ZNF423: variants seen among roughly 807,000 people sequenced by gnomAD.
ZNF423 encodes the protein Ebf-associated zinc finger protein.
In ZNF423, 12 loss-of-function variants were observed where a neutral mutation model predicts 95.8. The observed-to-expected ratio is 0.13, with a 90% CI of 0.08 to 0.20. ZNF423 has a LOEUF of 0.20. Ranked by LOEUF, ZNF423 falls within the 10% of genes least tolerant of loss-of-function variation. The probability of loss-of-function intolerance (pLI) is 1.00; values close to 1 mark genes in which losing one functional copy is unlikely to be tolerated. For missense variants in ZNF423, 1,316 were observed against 1,737.1 expected, an observed-to-expected ratio of 0.76 and a Z score of 4.31; for synonymous variants, 749 against 711.9, an observed-to-expected ratio of 1.05 and a Z score of -0.83.
chr16:49,518,183 T>A, intron 7 of ZNF423: 1 of 383,334 alleles, frequency 2.6e-6, no homozygotes, highest in Non-Finnish European at 5.1e-6. Flanking sequence ...GGAATCTACA[T>A]AACCTGTGTT....
upstream of ZNF423, among the ~76,000 whole-genome samples, chr16:49,858,576 G>A (rs778536061): frequency 6.6e-6 from 1 of 152,174 alleles, no homozygotes; most frequent in Non-Finnish European, 1.5e-5. This position sits in a 1 kb window ranked among gnomAD's most constrained non-coding sequence, Gnocchi z 4.3. Flanking sequence ...GCGGAGGCCA[G>A]GACCGAGACG....
At chr16:49,766,857 G>C (rs2033938607) in intron 2 of ZNF423, among the ~76,000 whole-genome samples, 1 of 152,176 alleles carries the variant, frequency 6.6e-6, no homozygotes. Flanking sequence ...GGAAACTGAC[G>C]CTCACAAGTC....
intron 3 of ZNF423, among the ~76,000 whole-genome samples, chr16:49,686,825 C>T (rs1390403646): frequency 4.0e-5 from 2 of 50,190 alleles, no homozygotes; most frequent in Non-Finnish European, 1.1e-4. Context: ...TCACCAGCCC[C>T]GCCAGCCTGT....
chr16:49,657,323 C>A (rs1490893604), intron 3 of ZNF423, among the ~76,000 whole-genome samples: 1 of 152,208 alleles, frequency 6.6e-6, no homozygotes, highest in Non-Finnish European at 1.5e-5. Context: ...CTGTCTCCAG[C>A]CATGTGCCAG....
At chr16:49,675,539 C>T (rs112358562) in intron 3 of ZNF423, among the ~76,000 whole-genome samples, 2,397 of 152,194 alleles carry the variant, frequency 0.016, 23 homozygotes, top group Middle Eastern at 0.031. Context: ...TGCCACGGCC[C>T]CCACAACCAC....
chr16:49,697,809 C>T (rs1381821905), intron 3 of ZNF423, among the ~76,000 whole-genome samples: 1 of 152,254 alleles, frequency 6.6e-6, no homozygotes, highest in African/African-American at 2.4e-5. Flanking sequence ...AAAGCCTTAC[C>T]TACGGTGCGG....
At chr16:49,590,015 A>G (rs1970958084) in intron 5 of ZNF423, among the ~76,000 whole-genome samples, 1 of 107,580 alleles carries the variant, frequency 9.3e-6, no homozygotes, top group Admixed American at 8.7e-5. Flanking sequence ...GGATGGGGTA[A>G]AGGGGAAGTG....
chr16:49,597,268 CT>C (rs1300483419), intron 5 of ZNF423, among the ~76,000 whole-genome samples: 2 of 152,180 alleles, frequency 1.3e-5, no homozygotes, highest in African/African-American at 4.8e-5. Flanking sequence ...GGAGGAGGGT[CT>C]CCTACCTAGA....
intron 3 of ZNF423, among the ~76,000 whole-genome samples, chr16:49,657,797 G>T (rs907529491): frequency 6.6e-6 from 1 of 152,278 alleles, no homozygotes; most frequent in South Asian, 2.1e-4. Flanking sequence ...TCTGTGTTCA[G>T]GGGTCCTCCC....
chr16:49,636,981 A>G lies in ZNF423; in HGVS notation c.2195T>C (p.Leu732Pro), dbSNP rs1263035254. ...MHTFVLYHCT[L>P]CQEVFDSKVS... ...CTTGGAGTCGAAGACCTCCTGACAC[A>G]GGGTGCAGTGGTACAACACAAAGGT... is the stretch of plus-strand genomic sequence containing the variant. Residue 732 changes from leucine to proline, a missense_variant, in exon 4 of 8, where the codon CTG (leucine) becomes CCG (proline). Leu to Pro is a moderately conservative substitution (Grantham distance 98). Coordinates refer to ENST00000563137, the MANE Select transcript of ZNF423 (RefSeq NM_001379286.1). This position sits in a 1 kb window ranked among gnomAD's most constrained non-coding sequence, Gnocchi z 8.6. 6.2e-7 allele frequency: 1 copy of G among 1,613,762 alleles called. No homozygotes were observed. Among genetic ancestry groups the G allele is most frequent in the Non-Finnish European group, 8.5e-7 (1 of 1,179,952 alleles).
intron 1 of ZNF423, among the ~76,000 whole-genome samples, chr16:49,802,596 A>G (rs1190489287): frequency 6.6e-6 from 1 of 152,190 alleles, no homozygotes; most frequent in African/African-American, 2.4e-5. Flanking sequence ...GAGGAGGAGG[A>G]AGGAGAGAAG....
intron 7 of ZNF423, among the ~76,000 whole-genome samples, chr16:49,507,490 C>A (rs533102993): frequency 2.4e-5 from 3 of 122,874 alleles, no homozygotes; most frequent in Admixed American, 7.8e-5. Context: ...ACAAAGATGG[C>A]GCCACAGGTC....
At chr16:49,523,988 C>CA (rs952836401) in intron 6 of ZNF423, among the ~76,000 whole-genome samples, 1 of 152,138 alleles carries the variant, frequency 6.6e-6, no homozygotes, top group Non-Finnish European at 1.5e-5. Flanking sequence ...TTTCCTCACT[C>CA]AAAAAATGAA....
At chr16:49,527,354 A>T (rs568470542) in intron 5 of ZNF423, among the ~76,000 whole-genome samples, 9 of 152,224 alleles carry the variant, frequency 5.9e-5, no homozygotes, top group Non-Finnish European at 1.3e-4. Context: ...GACACAGGGC[A>T]GGCTCAGCAC....
chr16:49,503,493 TC>T (rs923284032), intron 7 of ZNF423, among the ~76,000 whole-genome samples: 4 of 150,126 alleles, frequency 2.7e-5, no homozygotes, highest in African/African-American at 9.9e-5. Context: ...CGGAAGCCCC[TC>T]CCCCTCCCAG....
chr16:49,691,275 G>T (rs1277090340), intron 3 of ZNF423, among the ~76,000 whole-genome samples: 3 of 152,264 alleles, frequency 2.0e-5, no homozygotes, highest in Non-Finnish European at 4.4e-5. Context: ...GCTGGGGTCT[G>T]TGCAAATATT....
At chr16:49,779,206 A>G (rs2034169656) in intron 2 of ZNF423, among the ~76,000 whole-genome samples, 1 of 151,942 alleles carries the variant, frequency 6.6e-6, no homozygotes. Flanking sequence ...ACTGTCCCCT[A>G]GGAGTGAGCA....
rs565700715 is a variant in ZNF423 at position 49,575,301 on chromosome 16, C to T, written c.3602-49807G>A. Among the ~76,000 whole-genome samples the T allele has an allele frequency of 5.3e-5, 8 of 152,290 alleles. No homozygotes were observed. The South Asian group carries it at 1.7e-3, about 32-fold the overall frequency. ...TTAACTCTGGCTCCCCGTCTCCCTG[C>T]CATTTCATGTAATAATTCCACGGGG... On this transcript the variant is annotated intron_variant, in intron 5 of 7. Transcript: ENST00000563137.
At chr16:49,826,268 T>C (rs1167967671) in intron 1 of ZNF423, among the ~76,000 whole-genome samples, 1 of 152,158 alleles carries the variant, frequency 6.6e-6, no homozygotes, top group Non-Finnish European at 1.5e-5. Flanking sequence ...ATGTGCATTA[T>C]TACATCTGTC....
Sources: allele counts gnomAD v4.1 joint callset (sites outside exome capture counted in the v4.1 genomes callset), GRCh38; gene constraint gnomAD v4.1.1; non-coding constraint Gnocchi (gnomAD v3.1); transcripts MANE v1.5; gene names NCBI Gene and HGNC (gene_info 2026-07-23, HGNC 2026-07-21).